FLNB: variants seen among roughly 807,000 people sequenced by gnomAD.
The protein encoded by FLNB is filamin-B.
Under a neutral mutation model 250.6 loss-of-function variants are expected in FLNB, and 111 were observed. That is an observed-to-expected ratio of 0.44 (90% CI 0.38 to 0.52). The LOEUF is 0.52. FLNB is among the 20% of genes least tolerant of loss of function. The pLI, the probability that FLNB is intolerant of heterozygous loss-of-function variation, is 0.00. For missense variants in FLNB, 2,869 were observed against 3,447.8 expected (o/e 0.83, Z 4.20); for synonymous variants, 1,302 against 1,372.1 (o/e 0.95, Z 1.13).
chr3:58,156,151 A>C, intron 41 of FLNB, 76 bp downstream of exon 41: 1 of 1,111,968 alleles, frequency 9.0e-7, no homozygotes, highest in Non-Finnish European at 1.4e-6. Flanking sequence ...GGCTGCTTCA[A>C]TGTCCCCTTA....
chr3:58,160,149 T>A (rs556368888), intron 42 of FLNB, among the ~76,000 whole-genome samples: 35 of 152,378 alleles, frequency 2.3e-4, no homozygotes, highest in Non-Finnish European at 4.3e-4. Flanking sequence ...ATCATAATTT[T>A]TCTTTCATAT....
At chr3:58,112,108 C>A (rs796409238) in intron 17 of FLNB, 41 bp from the exon 18 acceptor site, 2 of 1,599,450 alleles carry the variant, frequency 1.3e-6, no homozygotes, top group South Asian at 2.2e-5. Context: ...TGAAACTACT[C>A]CAGCTGGTCT....
In FLNB at chr3:58,108,669, C is replaced by T. The variant is rs565081478; in HGVS notation, c.2055+98C>T. 1.1e-3 allele frequency: 829 copies of T among 760,368 alleles called. 7 individuals carry two copies. The highest frequency in any genetic ancestry group is 9.3e-3 in the South Asian group (646 of 69,386). 47.1% of individuals were successfully genotyped at this position (760,368 alleles called of 1,614,324 possible). On this transcript the variant is annotated intron_variant, in intron 13 of 45. Coordinates refer to ENST00000295956, the MANE Select transcript of FLNB (RefSeq NM_001457.4). The stretch of plus-strand genomic sequence containing the variant: ...GAGTCCATCTGATCTTCAGTTTCCT[C>T]ATCTGCACCGTGGAAATGATAAGAA...
At chr3:58,145,789 T>C in intron 32 of FLNB, 132 bp from the exon 33 acceptor site, 1 of 1,088,302 alleles carries the variant, frequency 9.2e-7, no homozygotes, top group Non-Finnish European at 1.4e-6. Flanking sequence ...GTGCATCTCC[T>C]TCTGTCTCTT....
At chr3:58,050,903 A>G (rs2097161284) in intron 1 of FLNB, among the ~76,000 whole-genome samples, 1 of 152,126 alleles carries the variant, frequency 6.6e-6, no homozygotes, top group Admixed American at 6.6e-5. Context: ...ATTTGTTCCT[A>G]TTGCGGGTGA....
At chr3:58,096,037 T>G in intron 5 of FLNB, 104 bp from the exon 6 acceptor site, 1 of 851,160 alleles carries the variant, frequency 1.2e-6, no homozygotes, top group Non-Finnish European at 2.0e-6. Context: ...GCCAGCACCT[T>G]CAGTGTTTCC....
intron 1 of FLNB, among the ~76,000 whole-genome samples, chr3:58,021,338 G>C (rs918534402): frequency 6.6e-6 from 1 of 152,162 alleles, no homozygotes; most frequent in Non-Finnish European, 1.5e-5. Context: ...GCTATCAGTT[G>C]AGCAGAGTTC....
chr3:58,020,937 A>G (rs1362523268), intron 1 of FLNB, among the ~76,000 whole-genome samples: 7 of 151,990 alleles, frequency 4.6e-5, no homozygotes, highest in Non-Finnish European at 1.5e-5. Context: ...GCCTGTGCTG[A>G]GTGTGACTGA....
chr3:58,115,379 T>C (rs956855313), intron 18 of FLNB, among the ~76,000 whole-genome samples: 2 of 152,222 alleles, frequency 1.3e-5, no homozygotes, highest in Non-Finnish European at 2.9e-5. Flanking sequence ...TTCTGCTTTA[T>C]TCTATGTCTA....
At chr3:58,019,896 A>G (rs2106706628) in intron 1 of FLNB, among the ~76,000 whole-genome samples, 1 of 152,262 alleles carries the variant, frequency 6.6e-6, no homozygotes, top group African/African-American at 2.4e-5. Flanking sequence ...ATGTCACCGC[A>G]GGTGTGGACA....
At chr3:58,071,847 C>T (rs956862597) in intron 1 of FLNB, among the ~76,000 whole-genome samples, 1 of 152,168 alleles carries the variant, frequency 6.6e-6, no homozygotes, top group African/African-American at 2.4e-5. Flanking sequence ...GATCTGGGCC[C>T]TCCTGATGTG....
intron 24 of FLNB, among the ~76,000 whole-genome samples, chr3:58,128,928 G>A (rs9311669): frequency 0.44 from 66,711 of 151,974 alleles, 18,676 homozygotes; most frequent in East Asian, 0.97. Flanking sequence ...GCCAAATGCC[G>A]GCTTTTCCAG....
chr3:58,157,836 C>T (rs1053811862), intron 41 of FLNB, among the ~76,000 whole-genome samples: 2 of 152,184 alleles, frequency 1.3e-5, no homozygotes, highest in South Asian at 2.1e-4. Flanking sequence ...AGAGTGCTCT[C>T]GTCATAGCTG....
At chr3:58,018,219 A>G (rs1576589176) in intron 1 of FLNB, among the ~76,000 whole-genome samples, 1 of 152,108 alleles carries the variant, frequency 6.6e-6, no homozygotes, top group East Asian at 1.9e-4. Context: ...AAAAGAAAAG[A>G]ACTTTTATCG....
chr3:58,108,720 G>A, intron 13 of FLNB, 149 bp downstream of exon 13: 1 of 663,558 alleles, frequency 1.5e-6, no homozygotes, highest in Non-Finnish European at 2.7e-6. Flanking sequence ...TTATGTGAGG[G>A]TTCAGTGAGA....
intron 28 of FLNB, among the ~76,000 whole-genome samples, chr3:58,137,963 T>C (rs552561435): frequency 1.3e-5 from 2 of 152,332 alleles, no homozygotes; most frequent in South Asian, 4.1e-4. Flanking sequence ...CCTTTATGTG[T>C]ACCTGGCACT....
intron 1 of FLNB, among the ~76,000 whole-genome samples, chr3:58,025,133 C>CTTTTTTTTTTTTTTTTTTTTT (rs57706596): frequency 8.6e-6 from 1 of 116,550 alleles, no homozygotes. Flanking sequence ...TTCTTTCTTT[C>CTTTTTTTTTTTTTTTTTTTTT]TTTTTTTTTT....
intron 1 of FLNB, among the ~76,000 whole-genome samples, chr3:58,043,542 C>T (rs1483800245): frequency 6.6e-6 from 1 of 152,140 alleles, no homozygotes; most frequent in Non-Finnish European, 1.5e-5. Context: ...CGACTGCCCC[C>T]AAGCATTACT....
intron 1 of FLNB, among the ~76,000 whole-genome samples, chr3:58,057,585 A>C (rs2097172412): frequency 6.6e-6 from 1 of 152,210 alleles, no homozygotes; most frequent in African/African-American, 2.4e-5. Flanking sequence ...AGAGGCAGCT[A>C]ACAGGATTCA....
Sources: gnomAD v4.1 joint callset for allele counts (sites outside exome capture counted in the v4.1 genomes callset) on GRCh38, gnomAD v4.1.1 for gene constraint, MANE v1.5 for transcripts, NCBI Gene and HGNC (gene_info 2026-07-23, HGNC 2026-07-21) for gene names.